IGF2BP2: variants seen among roughly 807,000 people sequenced by gnomAD.
IGF2BP2 encodes insulin-like growth factor 2 mRNA-binding protein 2.
In IGF2BP2, 17 loss-of-function variants were observed where a neutral mutation model predicts 75.8. The ratio of observed to expected loss-of-function variants is 0.22; its 90% CI spans 0.15 to 0.34. IGF2BP2 has a LOEUF of 0.34. Ranked by LOEUF, IGF2BP2 falls within the 10% of genes least tolerant of loss-of-function variation. IGF2BP2 has a pLI of 1.00. For synonymous variants in IGF2BP2, 288 were observed against 295.6 expected, an observed-to-expected ratio of 0.97 and a Z score of 0.26; for missense variants, 516 against 772.4, an observed-to-expected ratio of 0.67 and a Z score of 3.93.
At chr3:185,708,488 T>C (rs1404894231) in intron 2 of IGF2BP2, among the ~76,000 whole-genome samples, 1 of 152,074 alleles carries the variant, frequency 6.6e-6, no homozygotes, top group Non-Finnish European at 1.5e-5. Flanking sequence ...AGGATTTACT[T>C]AAATATAAAT....
intron 2 of IGF2BP2, among the ~76,000 whole-genome samples, chr3:185,711,453 T>A (rs990677159): frequency 2.0e-5 from 3 of 152,166 alleles, no homozygotes; most frequent in African/African-American, 7.2e-5. Flanking sequence ...ATTCACACTA[T>A]CTTCTGAGTT....
At chr3:185,731,643 T>A (rs1728196907) in intron 2 of IGF2BP2, among the ~76,000 whole-genome samples, 1 of 152,130 alleles carries the variant, frequency 6.6e-6, no homozygotes, top group Non-Finnish European at 1.5e-5. Context: ...GGACCCAATT[T>A]CTTATCGGTC....
At chr3:185,797,439 C>T (rs1294027950) in intron 2 of IGF2BP2, among the ~76,000 whole-genome samples, 1 of 152,244 alleles carries the variant, frequency 6.6e-6, no homozygotes, top group Non-Finnish European at 1.5e-5. Context: ...CCAAAGAGAA[C>T]ATCTGAAGAT....
At chr3:185,740,238 ATGTT>A (rs567925463) in intron 2 of IGF2BP2, among the ~76,000 whole-genome samples, 29 of 152,302 alleles carry the variant, frequency 1.9e-4, no homozygotes, top group Admixed American at 4.6e-4. Flanking sequence ...TGAAAAATAA[ATGTT>A]TGTTTGCATA....
At chr3:185,655,565 T>A (rs1715302747) in intron 12 of IGF2BP2, among the ~76,000 whole-genome samples, 1 of 152,256 alleles carries the variant, frequency 6.6e-6, no homozygotes. Flanking sequence ...AAACATTGTC[T>A]GGACCTTCCT....
intron 2 of IGF2BP2, among the ~76,000 whole-genome samples, chr3:185,813,522 T>C (rs146359512): frequency 9.9e-4 from 151 of 152,296 alleles, no homozygotes; most frequent in African/African-American, 3.6e-3. Context: ...ACAGGCCAGA[T>C]TATTTATGTA....
chr3:185,667,218 AAAAT>A (rs1313724782), intron 10 of IGF2BP2, among the ~76,000 whole-genome samples: 2 of 150,158 alleles, frequency 1.3e-5, no homozygotes, highest in East Asian at 3.8e-4. Flanking sequence ...CATTTCAAAA[AAAAT>A]AAAGTTAGAT....
chr3:185,707,369 G>A (rs1297710862), intron 2 of IGF2BP2, among the ~76,000 whole-genome samples: 4 of 125,116 alleles, frequency 3.2e-5, no homozygotes, highest in Non-Finnish European at 4.8e-5. Context: ...GGGCACTGGC[G>A]CAATCTTGGC....
chr3:185,722,268 C>T lies in IGF2BP2; in HGVS notation c.240-23921G>A, dbSNP rs188622664. Reference sequence around the variant, plus strand: ...TATCCCCATTCCATAGGGGGTGAAACTGAGGCACAAAAAGAGGAAATCACC... The same window carrying T: ...TATCCCCATTCCATAGGGGGTGAAATTGAGGCACAAAAAGAGGAAATCACC... On this transcript the variant is annotated intron_variant, in intron 2 of 15. Transcript: ENST00000382199. The T allele has an allele frequency of 1.7e-3, 779 of 456,146 alleles. 5 individuals are homozygous for T. Among genetic ancestry groups the T allele is most frequent in the African/African-American group, 0.014 (720 of 50,052 alleles). The allele number at this position is 456,146 out of a possible 1,614,324, so 28.3% of individuals were successfully genotyped here. A position where few individuals can be genotyped will look rare whatever the true frequency, so the allele number is the denominator to read the frequency against.
intron 2 of IGF2BP2, among the ~76,000 whole-genome samples, chr3:185,798,510 T>C (rs568019575): frequency 4.6e-5 from 7 of 152,346 alleles, no homozygotes; most frequent in Admixed American, 3.3e-4. Context: ...TTATTGGACT[T>C]GGAGTATATT....
intron 10 of IGF2BP2, among the ~76,000 whole-genome samples, chr3:185,663,712 T>C (rs1029282238): frequency 2.0e-5 from 3 of 152,150 alleles, no homozygotes; most frequent in Non-Finnish European, 4.4e-5. Context: ...TTGTACTGTA[T>C]TTTTCATTCC....
rs1167031440 is a variant in IGF2BP2 at position 185,643,990 on chromosome 3, T to C, written c.*1541A>G. 6.6e-6 allele frequency: 1 copy of C among 151,916 alleles called. No homozygotes were observed. Among genetic ancestry groups the C allele is most frequent in the Non-Finnish European group, 1.5e-5 (1 of 67,856 alleles). 9.4% of individuals were successfully genotyped at this position (151,916 alleles called of 1,614,324 possible). On this transcript the variant is annotated 3_prime_UTR_variant, in exon 16 of 16. Transcript: ENST00000382199. ...CTTTGTCATCTTTTTTTTTTTTAAA[T>C]AAACATTTTCAAGGTTTGTCCAAAA... is the stretch of plus-strand genomic sequence containing the variant.
intron 3 of IGF2BP2, 25 bp from the exon 4 acceptor site, chr3:185,696,688 G>A (rs758324565): frequency 1.2e-6 from 2 of 1,600,088 alleles, no homozygotes; most frequent in African/African-American, 2.7e-5. Flanking sequence ...TTCCATGTCA[G>A]AATGGGAAGG....
chr3:185,822,281 T>G (rs924976829), intron 2 of IGF2BP2, among the ~76,000 whole-genome samples: 1 of 152,186 alleles, frequency 6.6e-6, no homozygotes, highest in African/African-American at 2.4e-5. Context: ...TCCAGCTACT[T>G]AATGACTAAT....
At chr3:185,656,898 T>A (rs925625088) in intron 12 of IGF2BP2, among the ~76,000 whole-genome samples, 1 of 152,246 alleles carries the variant, frequency 6.6e-6, no homozygotes. Context: ...CATTATTTTC[T>A]GGTAGTTCAG....
chr3:185,644,292 G>C lies in IGF2BP2; in HGVS notation c.*1239C>G, dbSNP rs1258647843. ...TTTAACGCCCTGGGCCAACAACCTT[G>C]GTAAATTTCTACTTTCCTCCACATT... is the stretch of plus-strand genomic sequence containing the variant. On this transcript the variant is annotated 3_prime_UTR_variant, in exon 16 of 16. Transcript: ENST00000382199. 1 of 151,730 alleles carries C rather than the reference G, an allele frequency of 6.6e-6. No individual in the cohort carries two copies. The highest frequency in any genetic ancestry group is 1.5e-5 in the Non-Finnish European group (1 of 67,892). 9.4% of individuals were successfully genotyped at this position (151,730 alleles called of 1,614,324 possible).
At chr3:185,665,473 AAGGAGAAGAAGG>A (rs558744301) in intron 10 of IGF2BP2, among the ~76,000 whole-genome samples, 7 of 66,844 alleles carry the variant, frequency 1.0e-4, no homozygotes, top group Admixed American at 5.9e-4. Flanking sequence ...GAAGAAGAAG[AAGGAGAAGAAGG>A]AGGAGAAGGA....
chr3:185,722,573 G>A (rs529638518), intron 2 of IGF2BP2: 2 of 250,482 alleles, frequency 8.0e-6, no homozygotes, highest in East Asian at 3.2e-4. Context: ...TGGAAACAGG[G>A]AAGGTAAAAT....
intron 2 of IGF2BP2, among the ~76,000 whole-genome samples, chr3:185,811,411 A>C (rs1376203385): frequency 6.6e-6 from 1 of 152,208 alleles, no homozygotes; most frequent in Non-Finnish European, 1.5e-5. Context: ...ACAGATTTTC[A>C]TGTGGCAGAG....
Sources: gnomAD v4.1 joint callset for allele counts (sites outside exome capture counted in the v4.1 genomes callset) on GRCh38, gnomAD v4.1.1 for gene constraint, MANE v1.5 for transcripts, NCBI Gene and HGNC (gene_info 2026-07-23, HGNC 2026-07-21) for gene names.